The following ABCB1 variants were observed in gnomAD, a reference collection of about 807,000 sequenced individuals.
The protein encoded by ABCB1 is ATP binding cassette subfamily B member 1.
Under a neutral mutation model 142.0 loss-of-function variants are expected in ABCB1, and 69 were observed. That is an observed-to-expected ratio of 0.49 (90% CI 0.40 to 0.59). The LOEUF is 0.59. Ranked by LOEUF, ABCB1 falls within the 20% of genes least tolerant of loss-of-function variation. The pLI, the probability that ABCB1 is intolerant of heterozygous loss-of-function variation, is 0.00. For missense variants in ABCB1, 1,326 were observed against 1,554.7 expected, an observed-to-expected ratio of 0.85 and a Z score of 2.47; for synonymous variants, 532 against 539.2, an observed-to-expected ratio of 0.99 and a Z score of 0.18.
intron 1 of ABCB1, among the ~76,000 whole-genome samples, chr7:87,623,070 G>C (rs1431174710): frequency 6.6e-6 from 1 of 152,012 alleles, no homozygotes; most frequent in East Asian, 1.9e-4. Context: ...AAAAATAATA[G>C]ATTTTCTAGC....
At chr7:87,674,940 G>A (rs1392138219) in intron 1 of ABCB1, among the ~76,000 whole-genome samples, 1 of 152,192 alleles carries the variant, frequency 6.6e-6, no homozygotes, top group Non-Finnish European at 1.5e-5. Flanking sequence ...ATGTGCTCCA[G>A]TGCAGCTCTT....
chr7:87,628,554 C>A, intron 1 of ABCB1: 1 of 313,088 alleles, frequency 3.2e-6, no homozygotes, highest in Non-Finnish European at 5.8e-6. Context: ...CAGTCGGCGG[C>A]GCGCCGAGGG....
intron 1 of ABCB1, among the ~76,000 whole-genome samples, chr7:87,703,885 C>CTTTTTTTT: frequency 8.6e-3 from 518 of 60,138 alleles, no homozygotes; most frequent in Middle Eastern, 0.015. Context: ...TCAGTTTTTT[C>CTTTTTTTT]TTTTTTTTTT....
At chr7:87,589,415 C>A (rs547195170) in intron 3 of ABCB1, among the ~76,000 whole-genome samples, 2 of 152,194 alleles carry the variant, frequency 1.3e-5, no homozygotes, top group South Asian at 4.2e-4. Context: ...AGTCAAAAAG[C>A]AGGCAGACCA....
chr7:87,535,654 C>T (rs1037952863), intron 20 of ABCB1, among the ~76,000 whole-genome samples: 7 of 152,250 alleles, frequency 4.6e-5, no homozygotes, highest in Admixed American at 2.0e-4. Flanking sequence ...TATATTTCAA[C>T]GTTATAACTC....
intron 27 of ABCB1, among the ~76,000 whole-genome samples, chr7:87,504,978 T>TA: frequency 6.6e-6 from 1 of 152,144 alleles, no homozygotes; most frequent in Non-Finnish European, 1.5e-5. Context: ...TTTTTTTTTT[T>TA]ATTTGAAACA....
chr7:87,684,641 A>G (rs1303120386), intron 1 of ABCB1, among the ~76,000 whole-genome samples: 2 of 149,258 alleles, frequency 1.3e-5, no homozygotes, highest in Non-Finnish European at 3.0e-5. Flanking sequence ...CCAGCTACGC[A>G]GGAGGCTGAG....
chr7:87,700,678 C>A, intron 1 of ABCB1: 1 of 842,386 alleles, frequency 1.2e-6, no homozygotes, highest in Non-Finnish European at 1.8e-6. Context: ...AAAATACGTC[C>A]TGTTCTGTGA....
chr7:87,667,201 C>T (rs1289165817), intron 1 of ABCB1, among the ~76,000 whole-genome samples: 1 of 152,014 alleles, frequency 6.6e-6, no homozygotes, highest in Non-Finnish European at 1.5e-5. Context: ...AGATTTTTCA[C>T]CTCCCTGGGT....
chr7:87,628,835 G>A (rs781542536), intron 1 of ABCB1: 21 of 1,259,490 alleles, frequency 1.7e-5, no homozygotes, highest in Middle Eastern at 4.5e-4. Flanking sequence ...TGGCCTCCCG[G>A]AGCCTGGGGG....
At chr7:87,703,121 G>A (rs533211542) in intron 1 of ABCB1, among the ~76,000 whole-genome samples, 4 of 152,142 alleles carry the variant, frequency 2.6e-5, no homozygotes, top group African/African-American at 9.6e-5. Flanking sequence ...GTTTTAAGAT[G>A]AAGACATAAT....
chr7:87,597,162 A>G (rs921669079), intron 2 of ABCB1, among the ~76,000 whole-genome samples: 14 of 152,030 alleles, frequency 9.2e-5, no homozygotes, highest in African/African-American at 2.4e-4. Context: ...CCACCAAACT[A>G]TAAGGTGCAA....
Position 87,550,508 on chromosome 7 carries a change from C to T in ABCB1, c.1184G>A (p.Arg395Lys). Residue 395 changes from arginine (R) to lysine (K), a missense_variant, in exon 11 of 28, where the codon AGA (arginine) becomes AAA (lysine). Physicochemically the swap from Arg to Lys is conservative, Grantham distance 26. Transcript: ENST00000622132. ...PDNIKGNLEF[R>K]NVHFSYPSRK... ...AGATGGGTAACTGAAGTGAACATTT[C>T]TGAATTCCAAATTTCCCTTAATATT... 1 of 1,613,446 alleles carries T rather than the reference C, an allele frequency of 6.2e-7. No individual in the cohort carries two copies. The highest frequency in any genetic ancestry group is 8.5e-7 in the Non-Finnish European group (1 of 1,179,976).
chr7:87,542,743 C>T (rs1349462304), intron 17 of ABCB1, among the ~76,000 whole-genome samples: 1 of 151,856 alleles, frequency 6.6e-6, no homozygotes, highest in Admixed American at 6.6e-5. Context: ...CAAGAATCAG[C>T]AAACTATGGG....
chr7:87,670,940 T>C (rs138071684), intron 1 of ABCB1, among the ~76,000 whole-genome samples: 1 of 152,360 alleles, frequency 6.6e-6, no homozygotes, highest in East Asian at 1.9e-4. Flanking sequence ...TTGGTACTTC[T>C]GGGCTGCCCA....
At chr7:87,645,930 C>T (rs982535490) in intron 1 of ABCB1, among the ~76,000 whole-genome samples, 1 of 152,098 alleles carries the variant, frequency 6.6e-6, no homozygotes, top group African/African-American at 2.4e-5. Context: ...AATGATGAAG[C>T]AAAGCTGGAG....
chr7:87,518,850 T>C (rs1352984714), intron 23 of ABCB1: 2 of 160,100 alleles, frequency 1.2e-5, no homozygotes, highest in Non-Finnish European at 2.7e-5. Flanking sequence ...TAACTTTTCC[T>C]TTGTCATTTC....
At chr7:87,685,786 T>C (rs1454887546) in intron 1 of ABCB1, among the ~76,000 whole-genome samples, 2 of 152,166 alleles carry the variant, frequency 1.3e-5, no homozygotes, top group Non-Finnish European at 2.9e-5. Flanking sequence ...TCAAAACTCA[T>C]AGCAACAGCA....
At chr7:87,618,279 C>T (rs192633291) in intron 1 of ABCB1, among the ~76,000 whole-genome samples, 57 of 152,216 alleles carry the variant, frequency 3.7e-4, no homozygotes, top group African/African-American at 1.2e-3. Flanking sequence ...CCTCTCTCTC[C>T]CATCTAAATC....
Sources: allele counts gnomAD v4.1 joint callset (sites outside exome capture counted in the v4.1 genomes callset), GRCh38; gene constraint gnomAD v4.1.1; transcripts MANE v1.5; gene names NCBI Gene and HGNC (gene_info 2026-07-23, HGNC 2026-07-21).